Variants in MAP3K3 observed in about 807,000 individuals in gnomAD.
MAP3K3 encodes the protein mitogen-activated protein kinase kinase kinase 3.
A neutral mutation model predicts 80.9 loss-of-function variants in MAP3K3; 12 were observed. That is an observed-to-expected ratio of 0.15 (90% confidence interval 0.10 to 0.24). The LOEUF (loss-of-function observed/expected upper bound fraction) is 0.24, where lower values mean the gene tolerates loss of function less well. Among genes scored for constraint, MAP3K3 ranks in the 10% least tolerant of loss-of-function variants. The probability of loss-of-function intolerance (pLI) is 1.00; values close to 1 mark genes in which losing one functional copy is unlikely to be tolerated. For synonymous variants in MAP3K3, 272 were observed against 307.1 expected, an observed-to-expected ratio of 0.89 and a Z score of 1.19; for missense variants, 596 against 834.7, an observed-to-expected ratio of 0.71 and a Z score of 3.52.
intron 6 of MAP3K3, 62 bp from the exon 7 acceptor site, chr17:63,681,704 C>G: frequency 7.4e-7 from 1 of 1,346,410 alleles, no homozygotes; most frequent in African/African-American, 1.5e-5. Flanking sequence ...GGCCCCATGC[C>G]TGCTCCTCTT....
intron 5 of MAP3K3, among the ~76,000 whole-genome samples, chr17:63,665,369 G>C (rs2034980031): frequency 6.6e-6 from 1 of 152,010 alleles, no homozygotes; most frequent in South Asian, 2.1e-4. Flanking sequence ...GTTCCACTGT[G>C]CTAGCCAGGA....
chr17:63,646,368 CAG>C (rs1204149787), intron 3 of MAP3K3, among the ~76,000 whole-genome samples: 1 of 152,196 alleles, frequency 6.6e-6, no homozygotes, highest in African/African-American at 2.4e-5. Flanking sequence ...TGGCCCTACT[CAG>C]AGTCATGGCT....
intron 5 of MAP3K3, among the ~76,000 whole-genome samples, chr17:63,663,127 G>T (rs1409589970): frequency 1.3e-5 from 2 of 152,268 alleles, no homozygotes; most frequent in African/African-American, 4.8e-5. Flanking sequence ...CTGCAGCTTT[G>T]AAGACAACTG....
At chr17:63,678,013 C>T (rs1166221148) in intron 6 of MAP3K3, among the ~76,000 whole-genome samples, 1 of 152,202 alleles carries the variant, frequency 6.6e-6, no homozygotes, top group Non-Finnish European at 1.5e-5. Flanking sequence ...GAAGTTATGT[C>T]TTGTGCCACT....
At chr17:63,629,246 C>T (rs1196201384) in intron 1 of MAP3K3, among the ~76,000 whole-genome samples, 1 of 152,106 alleles carries the variant, frequency 6.6e-6, no homozygotes, top group Non-Finnish European at 1.5e-5. Context: ...CCTCAGCCTC[C>T]CAAGTAGCTG....
chr17:63,657,765 A>G (rs767526575), intron 4 of MAP3K3, 29 bp from the exon 5 acceptor site: 1 of 967,064 alleles, frequency 1.0e-6, no homozygotes, highest in Non-Finnish European at 1.6e-6. Context: ...GTTTTATATT[A>G]TTTTCCTTTT....
chr17:63,664,997 T>C (rs1007630936), intron 5 of MAP3K3, among the ~76,000 whole-genome samples: 4 of 152,098 alleles, frequency 2.6e-5, no homozygotes, highest in Non-Finnish European at 4.4e-5. Flanking sequence ...TCTGTTGATC[T>C]GAGGTGTCAA....
chr17:63,684,692 A>G (rs1233179511), intron 7 of MAP3K3, among the ~76,000 whole-genome samples: 2 of 152,166 alleles, frequency 1.3e-5, no homozygotes, highest in Non-Finnish European at 2.9e-5. Flanking sequence ...AGATCTCACT[A>G]TGTTGCCCAG....
chr17:63,669,092 A>T (rs2035052912), intron 6 of MAP3K3, among the ~76,000 whole-genome samples: 1 of 152,180 alleles, frequency 6.6e-6, no homozygotes, highest in Non-Finnish European at 1.5e-5. Flanking sequence ...GGTAAGGTAG[A>T]TGTGGCAAGA....
intron 4 of MAP3K3, 63 bp downstream of exon 4, chr17:63,652,719 T>G: frequency 9.3e-7 from 1 of 1,069,572 alleles, no homozygotes; most frequent in Non-Finnish European, 1.4e-6. Flanking sequence ...TTTCTCTCTG[T>G]TTACCAGAGC....
intron 3 of MAP3K3, among the ~76,000 whole-genome samples, 172 bp from the exon 4 acceptor site, chr17:63,652,385 A>C (rs575575913): frequency 6.6e-6 from 1 of 152,314 alleles, no homozygotes; most frequent in African/African-American, 2.4e-5. Context: ...CAGAGGGTGA[A>C]AGGTAACGGT....
rs116344734 is a variant in MAP3K3 at position 63,651,501 on chromosome 17, A to G, written c.168-1056A>G. ...AACAAACAAACAAAAAAACCCCACA[A>G]CTTTTTATTATGGAAATTTCAAGCA... On this transcript the variant is annotated intron_variant, in intron 3 of 15. Transcript: ENST00000361733. 5.0e-3 allele frequency among the ~76,000 whole-genome samples: 757 copies of G among 152,066 alleles called. 14 individuals carry two copies. Among genetic ancestry groups the G allele is most frequent in the African/African-American group, 0.017 (725 of 41,446 alleles).
At chr17:63,672,751 T>G (rs910261123) in intron 6 of MAP3K3, 1 of 151,988 alleles carries the variant, frequency 6.6e-6, no homozygotes, top group Non-Finnish European at 1.5e-5. Context: ...GAAAGGAAAT[T>G]AGGAGTGTGG....
chr17:63,624,285 A>G (rs2034055915), intron 1 of MAP3K3, among the ~76,000 whole-genome samples: 1 of 152,188 alleles, frequency 6.6e-6, no homozygotes, highest in Non-Finnish European at 1.5e-5. Context: ...TTGATTTATG[A>G]GCCTGTATTG....
Position 63,681,845 on chromosome 17 carries a change from C to G in MAP3K3, c.582C>G (p.Ser194=), listed in dbSNP as rs1340335056. 1.9e-6 allele frequency: 3 copies of G among 1,550,466 alleles called. No homozygotes were observed. The African/African-American group carries it at 4.1e-5, about 21-fold the overall frequency. Reference sequence around the variant, plus strand: ...AGCAGCACATTGCCCGGCAGGGGTCCTACACCAGCATCAACAGTGAGGGGG... The same window carrying G: ...AGCAGCACATTGCCCGGCAGGGGTCGTACACCAGCATCAACAGTGAGGGGG... ...ERQQHIARQG[S]YTSINSEGEF... The change falls in exon 7 of 16, where the codon TCC becomes TCG. Residue 194 remains serine (S), a synonymous_variant. Coordinates refer to ENST00000361733, the MANE Select transcript of MAP3K3 (RefSeq NM_002401.5).
intron 1 of MAP3K3, among the ~76,000 whole-genome samples, chr17:63,625,007 T>G (rs534777669): frequency 2.5e-4 from 38 of 152,380 alleles, no homozygotes; most frequent in African/African-American, 8.9e-4. Flanking sequence ...GCTGTAGTTC[T>G]AAATAAACTC....
At chr17:63,623,831 C>G (rs1242304792) in intron 1 of MAP3K3, among the ~76,000 whole-genome samples, 2 of 152,210 alleles carry the variant, frequency 1.3e-5, no homozygotes, top group Non-Finnish European at 2.9e-5. Context: ...GCAAAACGTT[C>G]CGTTGCTTCT....
At chr17:63,649,352 G>A (rs1339650124) in intron 3 of MAP3K3, among the ~76,000 whole-genome samples, 8 of 151,824 alleles carry the variant, frequency 5.3e-5, no homozygotes, top group Admixed American at 3.9e-4. Context: ...CAGGAGAATG[G>A]CATGAACCTG....
chr17:63,690,060 A>G lies in MAP3K3; in HGVS notation c.1064-204A>G, dbSNP rs2035551794. On this transcript the variant is annotated intron_variant, in intron 11 of 15. Transcript: ENST00000361733. ...GAGCATTTAACCATGACTTCAGCCA[A>G]TCCTCTGCTTCTTAGGACTCTGACT... The G allele has an allele frequency of 1.6e-5, 10 of 617,986 alleles. No homozygotes were observed. The East Asian group carries it at 2.8e-4, about 17-fold the overall frequency. The allele number at this position is 617,986 out of a possible 1,614,324, so 38.3% of individuals were successfully genotyped here. A position where few individuals can be genotyped will look rare whatever the true frequency, so the allele number is the denominator to read the frequency against.
Sources: gnomAD v4.1 joint callset for allele counts (sites outside exome capture counted in the v4.1 genomes callset) on GRCh38, gnomAD v4.1.1 for gene constraint, MANE v1.5 for transcripts, NCBI Gene and HGNC (gene_info 2026-07-23, HGNC 2026-07-21) for gene names.